Variants in SCN9A observed in about 807,000 individuals in gnomAD.
SCN9A encodes the protein sodium voltage-gated channel alpha subunit 9.
Under a neutral mutation model 187.0 loss-of-function variants are expected in SCN9A, and 131 were observed. The observed-to-expected ratio is 0.70, with a 90% confidence interval of 0.61 to 0.81. The LOEUF (loss-of-function observed/expected upper bound fraction) is 0.81, where lower values mean the gene tolerates loss of function less well. SCN9A is among the 30% of genes least tolerant of loss of function. The pLI, the probability that SCN9A is intolerant of heterozygous loss-of-function variation, is 0.00. For synonymous variants in SCN9A, 809 were observed against 808.6 expected (o/e 1.00, Z -0.01); for missense variants, 2,252 against 2,396.6 (o/e 0.94, Z 1.26).
chr2:166,210,172 C>T lies in SCN9A; in HGVS notation c.4399-5708G>A, dbSNP rs551244616. The stretch of plus-strand genomic sequence containing the variant: ...GTCCTTTGCAGGGACATGCATGAAG[C>T]TGGAAACCATCATTCTCAGCAAACT... On this transcript the variant is annotated intron_variant, in intron 24 of 26. Transcript: ENST00000642356. Among the ~76,000 whole-genome samples the T allele has an allele frequency of 1.7e-4, 26 of 152,140 alleles. No homozygotes were observed. In the East Asian group the frequency reaches 4.6e-3, roughly 27 times the overall value.
chr2:166,374,358 ATTC>A (rs1243933233), intron 1 of SCN9A, among the ~76,000 whole-genome samples: 1 of 152,240 alleles, frequency 6.6e-6, no homozygotes, highest in Non-Finnish European at 1.5e-5. Context: ...TAGAGGGCAC[ATTC>A]TTCTTTACAT....
Position 166,211,822 on chromosome 2 carries a change from T to C in SCN9A, c.4399-7358A>G, listed in dbSNP as rs555388286. Among the ~76,000 whole-genome samples the C allele has an allele frequency of 4.6e-5, 7 of 151,908 alleles. No homozygotes were observed. In the South Asian group the frequency reaches 1.2e-3, roughly 27 times the overall value. Reference sequence around the variant, plus strand: ...CATAGCATATCACAATAAAATATCATCCAATCACAAAAGAAGACAGTTAAG... The same window carrying C: ...CATAGCATATCACAATAAAATATCACCCAATCACAAAAGAAGACAGTTAAG... On this transcript the variant is annotated intron_variant, in intron 24 of 26. Coordinates refer to ENST00000642356, the MANE Select transcript of SCN9A (RefSeq NM_001365536.1).
chr2:166,323,713 C>T (rs2105250803), intron 1 of SCN9A, among the ~76,000 whole-genome samples: 1 of 151,862 alleles, frequency 6.6e-6, no homozygotes, highest in South Asian at 2.1e-4. Context: ...TATTGTGGCT[C>T]AGTTAGAGTA....
intron 1 of SCN9A, among the ~76,000 whole-genome samples, chr2:166,346,528 G>GC (rs1699905730): frequency 6.6e-6 from 1 of 152,122 alleles, no homozygotes; most frequent in Non-Finnish European, 1.5e-5. Context: ...GCCTCTAGGG[G>GC]CATTTCTCCT....
chr2:166,356,310 TAC>T (rs1700151216), intron 1 of SCN9A, among the ~76,000 whole-genome samples: 1 of 152,220 alleles, frequency 6.6e-6, no homozygotes, highest in South Asian at 2.1e-4. Context: ...TCTACATTTT[TAC>T]ACACATAATG....
intron 1 of SCN9A, among the ~76,000 whole-genome samples, chr2:166,326,845 T>C (rs1404278450): frequency 1.3e-5 from 2 of 152,186 alleles, no homozygotes; most frequent in Admixed American, 6.5e-5. Flanking sequence ...CACTAGTGTT[T>C]GGAAATCCTG....
intron 1 of SCN9A, among the ~76,000 whole-genome samples, chr2:166,334,177 T>A (rs1467978034): frequency 6.6e-6 from 1 of 152,108 alleles, no homozygotes; most frequent in Non-Finnish European, 1.5e-5. Context: ...CAACTGCATC[T>A]ATTAAAGAGA....
At chr2:166,241,585 G>T (rs185407639) in intron 19 of SCN9A, among the ~76,000 whole-genome samples, 5 of 152,128 alleles carry the variant, frequency 3.3e-5, no homozygotes, top group Admixed American at 2.6e-4. Context: ...CCTTACGATT[G>T]TATACTTGTT....
chr2:166,234,355 A>G (rs1695220926), intron 20 of SCN9A, among the ~76,000 whole-genome samples: 1 of 152,044 alleles, frequency 6.6e-6, no homozygotes, highest in Non-Finnish European at 1.5e-5. Context: ...TCTAAGAAAA[A>G]TGTCTGGAAT....
intron 5 of SCN9A, among the ~76,000 whole-genome samples, chr2:166,304,814 G>A (rs964018055): frequency 6.6e-6 from 1 of 152,054 alleles, no homozygotes; most frequent in Non-Finnish European, 1.5e-5. Flanking sequence ...TCTATTTGGG[G>A]TTGTTAAACT....
intron 1 of SCN9A, among the ~76,000 whole-genome samples, chr2:166,359,023 C>T (rs1700218058): frequency 6.6e-6 from 1 of 152,136 alleles, no homozygotes; most frequent in African/African-American, 2.4e-5. Flanking sequence ...ATATTTCTTT[C>T]AACCTATTTA....
Position 166,286,350 on chromosome 2 carries a change from A to G in SCN9A, c.1588T>C (p.Ser530Pro). 2.5e-6 allele frequency: 4 copies of G among 1,609,024 alleles called. No individual in the cohort carries two copies. The highest frequency in any genetic ancestry group is 3.4e-6 in the Non-Finnish European group (4 of 1,178,302). Residue 530 changes from serine to proline, a missense_variant, in exon 11 of 27, where the codon TCT becomes CCT. Physicochemically the swap from Ser to Pro is moderately conservative, Grantham distance 74 (BLOSUM62 -1). Transcript: ENST00000642356. ...TTGGGTGGTACCTGATTGGGGGTAG[A>G]CAACCTCTTTTCATGTGCTCGCCTA... ...GHRRAHEKRL[S>P]TPNQSPLSIR...
chr2:166,243,222 T>A (rs959368501), intron 18 of SCN9A, among the ~76,000 whole-genome samples: 5 of 152,102 alleles, frequency 3.3e-5, no homozygotes, highest in Non-Finnish European at 7.4e-5. Flanking sequence ...AATTTTTATG[T>A]ACAAAATATA....
intron 2 of SCN9A, 139 bp from the exon 3 acceptor site, chr2:166,307,213 T>G (rs1230809916): frequency 1.2e-5 from 7 of 570,800 alleles, no homozygotes; most frequent in African/African-American, 1.9e-5. Context: ...GTGGTTCCAA[T>G]GTCATCAACG....
chr2:166,301,990 G>T (rs1301137105), intron 7 of SCN9A: 1 of 150,788 alleles, frequency 6.6e-6, no homozygotes, highest in East Asian at 1.9e-4. Context: ...TGTGGGCTAG[G>T]TGTTATTTGA....
intron 4 of SCN9A, 119 bp from the exon 5 acceptor site, chr2:166,306,039 G>T: frequency 8.4e-7 from 1 of 1,186,974 alleles, no homozygotes; most frequent in Non-Finnish European, 1.2e-6. Context: ...GATGGCTGTT[G>T]GGTTATGGAC....
At chr2:166,326,746 A>G (rs921105577) in intron 1 of SCN9A, among the ~76,000 whole-genome samples, 41 of 152,208 alleles carry the variant, frequency 2.7e-4, no homozygotes, top group African/African-American at 9.6e-4. Context: ...ACTATTCTTT[A>G]TCAAAGTAAG....
At chr2:166,372,081 AGTGT>A (rs138962140) in intron 1 of SCN9A, among the ~76,000 whole-genome samples, 35,533 of 150,412 alleles carry the variant, frequency 0.24, 5,174 homozygotes, top group Non-Finnish European at 0.33. Flanking sequence ...CACCATACAA[AGTGT>A]GTGTGTGTGT....
chr2:166,358,408 C>T (rs908844241), intron 1 of SCN9A, among the ~76,000 whole-genome samples: 1 of 151,964 alleles, frequency 6.6e-6, no homozygotes, highest in Non-Finnish European at 1.5e-5. Flanking sequence ...TTTGCATTTT[C>T]TTTTGTGAGT....
Sources: allele counts gnomAD v4.1 joint callset (sites outside exome capture counted in the v4.1 genomes callset), GRCh38; gene constraint gnomAD v4.1.1; transcripts MANE v1.5; gene names NCBI Gene and HGNC (gene_info 2026-07-23, HGNC 2026-07-21).